MACROD2: variants seen among roughly 807,000 people sequenced by gnomAD.
The protein encoded by MACROD2 is mono-ADP ribosylhydrolase 2.
Under a neutral mutation model 70.4 loss-of-function variants are expected in MACROD2, and 36 were observed. That is an observed-to-expected ratio of 0.51 (90% CI 0.39 to 0.68). The LOEUF (loss-of-function observed/expected upper bound fraction) is 0.68. Among genes scored for constraint, MACROD2 ranks in the 30% least tolerant of loss-of-function variants. The pLI is 0.00. For missense variants in MACROD2, 496 were observed against 538.4 expected (o/e 0.92, Z 0.78); for synonymous variants, 172 against 178.8 (o/e 0.96, Z 0.30).
chr20:15,912,228 C>G (rs534631080), intron 10 of MACROD2, among the ~76,000 whole-genome samples: 5 of 152,268 alleles, frequency 3.3e-5, no homozygotes, highest in South Asian at 2.1e-4. Context: ...TCTTTAGAAG[C>G]CTGATGTTTA....
At chr20:15,494,666 G>C (rs74585279) in intron 7 of MACROD2, among the ~76,000 whole-genome samples, 3,197 of 152,046 alleles carry the variant, frequency 0.021, 111 homozygotes, top group African/African-American at 0.072. Context: ...TTTGAGGGCT[G>C]GGCATTGACT....
intron 3 of MACROD2, among the ~76,000 whole-genome samples, chr20:14,254,669 A>G (rs1340153548): frequency 6.6e-6 from 1 of 152,184 alleles, no homozygotes; most frequent in Non-Finnish European, 1.5e-5. Flanking sequence ...TGCAGTAAAT[A>G]ATTTTGTTCT....
chr20:14,674,516 C>T (rs1019359121), intron 4 of MACROD2, among the ~76,000 whole-genome samples: 1 of 152,062 alleles, frequency 6.6e-6, no homozygotes, highest in Non-Finnish European at 1.5e-5. Flanking sequence ...TATGAGGGAT[C>T]CCATTTTAAA....
intron 8 of MACROD2, among the ~76,000 whole-genome samples, chr20:15,806,924 G>A (rs774868468): frequency 6.6e-6 from 1 of 152,082 alleles, no homozygotes; most frequent in Non-Finnish European, 1.5e-5. Context: ...AGGGTGATAG[G>A]TTTGAGCTAT....
intron 2 of MACROD2, among the ~76,000 whole-genome samples, chr20:14,071,558 C>T (rs2053843132): frequency 6.9e-6 from 1 of 145,142 alleles, no homozygotes; most frequent in Non-Finnish European, 1.6e-5. Context: ...CCGTGCTGGG[C>T]CCGACCATTT....
intron 6 of MACROD2, among the ~76,000 whole-genome samples, chr20:15,368,228 C>T (rs2045439782): frequency 6.6e-6 from 1 of 152,034 alleles, no homozygotes; most frequent in African/African-American, 2.4e-5. Context: ...CAGGCCCACC[C>T]CCGCCTACTG....
At chr20:15,977,936 C>T (rs974217140) in intron 13 of MACROD2, among the ~76,000 whole-genome samples, 1 of 152,304 alleles carries the variant, frequency 6.6e-6, no homozygotes, top group African/African-American at 2.4e-5. Flanking sequence ...GAACTGAGAT[C>T]ACAGCACTTA....
At chr20:15,835,666 A>G (rs2064106470) in intron 8 of MACROD2, among the ~76,000 whole-genome samples, 1 of 152,186 alleles carries the variant, frequency 6.6e-6, no homozygotes, top group East Asian at 1.9e-4. Context: ...ATCTACATGT[A>G]TGTGAAATAT....
chr20:13,996,815 A>T (rs1035559463), intron 1 of MACROD2, among the ~76,000 whole-genome samples: 1 of 152,222 alleles, frequency 6.6e-6, no homozygotes, highest in Admixed American at 6.5e-5. Context: ...AAAATAAACT[A>T]AAACCTGTAT....
At chr20:14,375,611 C>A (rs899198287) in intron 3 of MACROD2, among the ~76,000 whole-genome samples, 2 of 152,096 alleles carry the variant, frequency 1.3e-5, no homozygotes, top group African/African-American at 4.8e-5. Flanking sequence ...CAGAGATTGG[C>A]AGCTGGGAGG....
At chr20:14,688,319 C>G (rs2071025653) in intron 5 of MACROD2, among the ~76,000 whole-genome samples, 1 of 152,142 alleles carries the variant, frequency 6.6e-6, no homozygotes, top group African/African-American at 2.4e-5. Context: ...TAGTTTTGAA[C>G]TGGTTTTTGC....
intron 3 of MACROD2, among the ~76,000 whole-genome samples, chr20:14,258,810 C>G (rs1289613304): frequency 6.6e-6 from 1 of 152,060 alleles, no homozygotes; most frequent in Non-Finnish European, 1.5e-5. Context: ...AGAGTTTTAC[C>G]TATGTTATCT....
intron 6 of MACROD2, among the ~76,000 whole-genome samples, chr20:15,398,455 G>A (rs979876353): frequency 1.3e-5 from 2 of 152,298 alleles, no homozygotes; most frequent in Non-Finnish European, 2.9e-5. Flanking sequence ...ATGGGCACAG[G>A]TAGGTGTAAG....
intron 7 of MACROD2, among the ~76,000 whole-genome samples, chr20:15,495,391 C>T (rs2047284565): frequency 2.0e-5 from 3 of 152,200 alleles, no homozygotes; most frequent in Non-Finnish European, 4.4e-5. Context: ...TTTTTCTCCC[C>T]TTTTAATTAA....
intron 4 of MACROD2, among the ~76,000 whole-genome samples, chr20:14,579,659 T>C (rs1162686217): frequency 6.6e-6 from 1 of 152,250 alleles, no homozygotes; most frequent in Non-Finnish European, 1.5e-5. Context: ...ACTTTGTCTT[T>C]TTAAATAAGT....
At chr20:14,100,389 T>C (rs1828782242) in intron 3 of MACROD2, among the ~76,000 whole-genome samples, 1 of 150,836 alleles carries the variant, frequency 6.6e-6, no homozygotes, top group Non-Finnish European at 1.5e-5. Flanking sequence ...TAGATATGCC[T>C]TATTAATAAA....
At chr20:15,265,952 C>T (rs1057168143) in intron 6 of MACROD2, among the ~76,000 whole-genome samples, 3 of 152,206 alleles carry the variant, frequency 2.0e-5, no homozygotes, top group African/African-American at 7.2e-5. Context: ...AACATTCCCT[C>T]AGTGTGTTAC....
intron 8 of MACROD2, among the ~76,000 whole-genome samples, chr20:15,651,389 C>T (rs536486204): frequency 9.9e-5 from 15 of 152,224 alleles, no homozygotes; most frequent in South Asian, 6.2e-4. Context: ...TATAATTAAT[C>T]GGGAATGAGA....
intron 5 of MACROD2, among the ~76,000 whole-genome samples, chr20:14,826,814 G>T (rs1352784626): frequency 6.6e-6 from 1 of 152,062 alleles, no homozygotes; most frequent in East Asian, 1.9e-4. Context: ...TAAAAGAAAT[G>T]ATTTTTCTGG....
Sources: allele counts gnomAD v4.1 joint callset (sites outside exome capture counted in the v4.1 genomes callset), GRCh38; gene constraint gnomAD v4.1.1; transcripts MANE v1.5; gene names NCBI Gene and HGNC (gene_info 2026-07-23, HGNC 2026-07-21).